The following PRORP variants were observed in gnomAD, a reference collection of about 807,000 sequenced individuals.
PRORP encodes protein only RNase P catalytic subunit.
Under a neutral mutation model 59.4 loss-of-function variants are expected in PRORP, and 51 were observed. The observed-to-expected ratio is 0.86, with a 90% confidence interval of 0.69 to 1.08. PRORP has a LOEUF of 1.08. PRORP is among the 50% of genes least tolerant of loss of function. The pLI is 0.00. For missense variants in PRORP, 646 were observed against 690.3 expected, an observed-to-expected ratio of 0.94 and a Z score of 0.72; for synonymous variants, 231 against 245.6, an observed-to-expected ratio of 0.94 and a Z score of 0.55.
At chr14:35,161,340 A>G (rs1170421508) in intron 4 of PRORP, among the ~76,000 whole-genome samples, 1 of 152,152 alleles carries the variant, frequency 6.6e-6, no homozygotes, top group Admixed American at 6.6e-5. Context: ...GGCCCAGAGA[A>G]GTGAAGCGAT....
chr14:35,155,560 TAAAA>T (rs33984722), intron 4 of PRORP, among the ~76,000 whole-genome samples: 2 of 108,676 alleles, frequency 1.8e-5, no homozygotes, highest in African/African-American at 3.4e-5. Context: ...GGTGTCTATT[TAAAA>T]AAAAAAAAAA....
chr14:35,224,220 C>T (rs1270366636), intron 5 of PRORP, among the ~76,000 whole-genome samples: 1 of 151,976 alleles, frequency 6.6e-6, no homozygotes, highest in African/African-American at 2.4e-5. Flanking sequence ...TTTTTATTTC[C>T]ACCTAGTGTC....
intron 4 of PRORP, among the ~76,000 whole-genome samples, chr14:35,130,736 G>A (rs186331572): frequency 1.3e-5 from 2 of 151,782 alleles, no homozygotes; most frequent in Admixed American, 6.6e-5. Flanking sequence ...CAGCTGCGTC[G>A]GCCTCCCAAA....
chr14:35,258,619 G>A (rs2050819381), intron 5 of PRORP, among the ~76,000 whole-genome samples: 1 of 152,030 alleles, frequency 6.6e-6, no homozygotes, highest in Non-Finnish European at 1.5e-5. Flanking sequence ...TCACTAAGGA[G>A]GACCCGTGAT....
rs150139006 is a variant in PRORP, at chr14:35,273,718, G to A, written c.*152G>A. Reference sequence around the variant, plus strand: ...TGACATTGATTTTTTAATGAAATGAGATATATCTTTTCATAACCAGCTGCG... The same window carrying A: ...TGACATTGATTTTTTAATGAAATGAAATATATCTTTTCATAACCAGCTGCG... On this transcript the variant is annotated 3_prime_UTR_variant, in exon 8 of 8. Transcript: ENST00000534898. 3.1e-6 allele frequency: 2 copies of A among 634,932 alleles called. No homozygotes were observed. Among genetic ancestry groups the A allele is most frequent in the Non-Finnish European group, 4.8e-6 (2 of 420,566 alleles). 39.3% of individuals were successfully genotyped at this position (634,932 alleles called of 1,614,324 possible). A position where few individuals can be genotyped will look rare whatever the true frequency, so the allele number is the denominator to read the frequency against.
intron 4 of PRORP, among the ~76,000 whole-genome samples, chr14:35,137,525 G>C (rs2138833196): frequency 6.9e-6 from 1 of 144,990 alleles, no homozygotes; most frequent in South Asian, 2.3e-4. Flanking sequence ...TAGAGTACTA[G>C]AGAGAGTGGG....
chr14:35,251,596 G>A (rs1331125530), intron 5 of PRORP, among the ~76,000 whole-genome samples: 1 of 152,162 alleles, frequency 6.6e-6, no homozygotes, highest in Non-Finnish European at 1.5e-5. Flanking sequence ...GTCTTACTCT[G>A]TTGCCCAGGC....
In PRORP at chr14:35,123,154, T is replaced by C. The variant is rs1379255581; in HGVS notation, c.-92T>C. 1 of 1,318,374 alleles carries C rather than the reference T, an allele frequency of 7.6e-7. No individual in the cohort carries two copies. The highest frequency in any genetic ancestry group is 1.0e-6 in the Non-Finnish European group (1 of 962,840). The allele number at this position is 1,318,374 out of a possible 1,614,324, so 81.7% of individuals were successfully genotyped here. A position where few individuals can be genotyped will look rare whatever the true frequency, so the allele number is the denominator to read the frequency against. ...CTTTTAAAAAGTTCCACTTCGACTC[T>C]GCACCGCCGACCCCCAATCTCTTTA... On this transcript the variant is annotated 5_prime_UTR_variant, in exon 2 of 8. Transcript: ENST00000534898.
intron 5 of PRORP, chr14:35,222,077 C>A (rs1019588622): frequency 6.6e-6 from 1 of 151,486 alleles, no homozygotes; most frequent in Non-Finnish European, 1.5e-5. Context: ...ATATTATATT[C>A]ACCTCTCCAA....
At chr14:35,231,173 C>A (rs2050070240) in intron 5 of PRORP, among the ~76,000 whole-genome samples, 1 of 152,090 alleles carries the variant, frequency 6.6e-6, no homozygotes, top group Admixed American at 6.6e-5. Flanking sequence ...AGGTTTACTA[C>A]CTTACATCAC....
At chr14:35,163,956 A>G (rs1465562750) in intron 4 of PRORP, among the ~76,000 whole-genome samples, 1 of 152,168 alleles carries the variant, frequency 6.6e-6, no homozygotes, top group African/African-American at 2.4e-5. Flanking sequence ...ATGTGGTGAA[A>G]GGTAAGGGTC....
chr14:35,231,210 C>G (rs1476961489), intron 5 of PRORP, among the ~76,000 whole-genome samples: 1 of 152,164 alleles, frequency 6.6e-6, no homozygotes, highest in Non-Finnish European at 1.5e-5. Context: ...AGAATATATA[C>G]CAGTTGTCTT....
At chr14:35,133,814 T>C (rs1017987491) in intron 4 of PRORP, among the ~76,000 whole-genome samples, 1 of 152,212 alleles carries the variant, frequency 6.6e-6, no homozygotes, top group African/African-American at 2.4e-5. Flanking sequence ...TCTCTTCCCT[T>C]ACTTTTTCCT....
intron 5 of PRORP, among the ~76,000 whole-genome samples, chr14:35,218,504 A>C (rs1227945691): frequency 1.4e-5 from 2 of 140,390 alleles, no homozygotes; most frequent in Admixed American, 1.5e-4. Flanking sequence ...AAAACACAAC[A>C]GAACACTGAT....
Position 35,201,745 on chromosome 14 carries a change from G to A in PRORP, c.1275+20968G>A, listed in dbSNP as rs531600672. Among the ~76,000 whole-genome samples the A allele has an allele frequency of 5.3e-5, 8 of 150,732 alleles. No homozygotes were observed. In the South Asian group the frequency reaches 1.3e-3, roughly 24 times the overall value. On this transcript the variant is annotated intron_variant, in intron 5 of 7. Coordinates refer to ENST00000534898, the MANE Select transcript of PRORP (RefSeq NM_014672.4). The stretch of plus-strand genomic sequence containing the variant: ...GCGATCTTGGCTCACTGCAACCTCC[G>A]CCTCCCAGTTTAAGTGATTCTCATG...
In PRORP at chr14:35,273,608, T is replaced by TA; in HGVS notation, c.*43dup. 6.3e-7 allele frequency: 1 copy of TA among 1,586,424 alleles called. No individual in the cohort carries two copies. The highest frequency in any genetic ancestry group is 8.6e-7 in the Non-Finnish European group (1 of 1,166,894). On this transcript the variant is annotated 3_prime_UTR_variant, in exon 8 of 8. Transcript: ENST00000534898. ...GCTAAGTTTGTGTTTGGGTACCCTC[T>TA]AGGTTGGCATCAGAGGCTCTTGAGC...
chr14:35,264,285 G>A (rs1942899672), intron 5 of PRORP, among the ~76,000 whole-genome samples: 1 of 151,854 alleles, frequency 6.6e-6, no homozygotes, highest in Admixed American at 6.6e-5. Flanking sequence ...GCATCACCAC[G>A]CCCAGCTAAT....
intron 5 of PRORP, among the ~76,000 whole-genome samples, chr14:35,254,949 G>A (rs562376979): frequency 4.6e-5 from 7 of 152,088 alleles, no homozygotes; most frequent in South Asian, 2.1e-4. Flanking sequence ...ATTCCTTGCC[G>A]GGCTAGTTCA....
chr14:35,184,859 C>CT (rs1023922276), intron 5 of PRORP, among the ~76,000 whole-genome samples: 5 of 152,116 alleles, frequency 3.3e-5, no homozygotes, highest in African/African-American at 9.7e-5. Context: ...TGATCTCATT[C>CT]TTTTTTTGGC....
Sources: allele counts gnomAD v4.1 joint callset (sites outside exome capture counted in the v4.1 genomes callset), GRCh38; gene constraint gnomAD v4.1.1; transcripts MANE v1.5; gene names NCBI Gene and HGNC (gene_info 2026-07-23, HGNC 2026-07-21).